Variants in NFKB1 observed in about 807,000 individuals in gnomAD.
NFKB1 encodes nuclear factor NF-kappa-B p105 subunit.
Under a neutral mutation model 105.1 loss-of-function variants are expected in NFKB1, and 9 were observed. That is an observed-to-expected ratio of 0.09 (90% CI 0.05 to 0.15). The LOEUF is 0.15. NFKB1 is among the 10% of genes least tolerant of loss of function. NFKB1 has a pLI of 1.00. For missense variants in NFKB1, 830 were observed against 1,203.7 expected, an observed-to-expected ratio of 0.69 and a Z score of 4.59; for synonymous variants, 440 against 442.2, an observed-to-expected ratio of 1.00 and a Z score of 0.06.
At chr4:102,518,445 A>G (rs1257873951) in intron 1 of NFKB1, among the ~76,000 whole-genome samples, 1 of 152,204 alleles carries the variant, frequency 6.6e-6, no homozygotes. Context: ...GAACTCTAAC[A>G]AAGTGTGATC....
chr4:102,608,405 A>G (rs549623579), intron 19 of NFKB1, among the ~76,000 whole-genome samples: 21 of 152,346 alleles, frequency 1.4e-4, no homozygotes, highest in East Asian at 5.8e-4. Flanking sequence ...GGTTCCAGTA[A>G]GTGACAGAGC....
At chr4:102,604,466 A>T (rs959936741) in intron 16 of NFKB1, among the ~76,000 whole-genome samples, 1 of 152,048 alleles carries the variant, frequency 6.6e-6, no homozygotes, top group Non-Finnish European at 1.5e-5. Flanking sequence ...CAATCCACAG[A>T]TCTTAATCAG....
chr4:102,557,245 G>C (rs1723054201), intron 5 of NFKB1: 1 of 152,174 alleles, frequency 6.6e-6, no homozygotes, highest in South Asian at 2.1e-4. Context: ...CATTTATTTT[G>C]TGGTTTTGAT....
intron 19 of NFKB1, among the ~76,000 whole-genome samples, chr4:102,609,388 G>T (rs558353362): frequency 5.0e-4 from 76 of 152,028 alleles, no homozygotes; most frequent in African/African-American, 1.4e-3. Context: ...AGGGTGGGTG[G>T]ATCACCTGAG....
At chr4:102,506,827 A>G (rs1328536604) in intron 1 of NFKB1, among the ~76,000 whole-genome samples, 1 of 151,718 alleles carries the variant, frequency 6.6e-6, no homozygotes, top group Non-Finnish European at 1.5e-5. Context: ...CCCTCACATC[A>G]CTCACAACAA....
intron 20 of NFKB1, 119 bp from the exon 21 acceptor site, chr4:102,611,925 A>G (rs1479679203): frequency 4.1e-6 from 3 of 725,514 alleles, no homozygotes; most frequent in East Asian, 5.4e-5. Context: ...CCATTCCTCC[A>G]TCATTAGGGT....
intron 5 of NFKB1, among the ~76,000 whole-genome samples, chr4:102,555,772 A>G (rs1279291480): frequency 2.0e-5 from 3 of 152,336 alleles, no homozygotes; most frequent in East Asian, 3.9e-4. Flanking sequence ...AAGGCTGGAG[A>G]TAGTAGATAA....
chr4:102,572,916 C>A (rs1320559235), intron 6 of NFKB1, among the ~76,000 whole-genome samples: 1 of 152,178 alleles, frequency 6.6e-6, no homozygotes, highest in East Asian at 1.9e-4. Flanking sequence ...TTTTATTATA[C>A]TGCTGATCTG....
chr4:102,503,903 A>C (rs1739252308), intron 1 of NFKB1, among the ~76,000 whole-genome samples: 1 of 152,208 alleles, frequency 6.6e-6, no homozygotes, highest in Non-Finnish European at 1.5e-5. Flanking sequence ...TTGATTAAGT[A>C]AGTTACTACC....
At chr4:102,509,452 G>A (rs1179496073) in intron 1 of NFKB1, among the ~76,000 whole-genome samples, 1 of 152,200 alleles carries the variant, frequency 6.6e-6, no homozygotes, top group Non-Finnish European at 1.5e-5. Context: ...GTTCAATCCT[G>A]TGTTGAAATA....
rs768185719 is a variant in NFKB1, at chr4:102,537,843, C to T, written c.160-15C>T. 7.6e-5 allele frequency: 116 copies of T among 1,529,656 alleles called. No individual in the cohort carries two copies. In the East Asian group the frequency reaches 7.9e-4, roughly 10 times the overall value. The allele number at this position is 1,529,656 out of a possible 1,614,324, so 94.8% of individuals were successfully genotyped here. A position where few individuals can be genotyped will look rare whatever the true frequency, so the allele number is the denominator to read the frequency against. ...TATTTCTCAAACTTAATTGGCTTAACGTTCACCTTTGCAGAGAGGATTTCG... is the reference window on the plus strand; with the variant it reads ...TATTTCTCAAACTTAATTGGCTTAATGTTCACCTTTGCAGAGAGGATTTCG... On this transcript the variant is annotated splice_polypyrimidine_tract_variant and intron_variant, in intron 4 of 23. Transcript: ENST00000226574.
chr4:102,527,821 C>T (rs79315606), intron 2 of NFKB1, among the ~76,000 whole-genome samples: 2 of 152,142 alleles, frequency 1.3e-5, no homozygotes. Context: ...ACCATCCTTT[C>T]CTGTCTGTAC....
intron 16 of NFKB1, among the ~76,000 whole-genome samples, chr4:102,601,633 T>C (rs1312001460): frequency 6.6e-6 from 1 of 152,202 alleles, no homozygotes; most frequent in Non-Finnish European, 1.5e-5. Flanking sequence ...CTTCCAACAC[T>C]GCAAAGGGAG....
In NFKB1 at chr4:102,587,603, C is replaced by T. The variant is rs147992985; in HGVS notation, c.1066+2783C>T. On this transcript the variant is annotated intron_variant, in intron 11 of 23. Coordinates refer to ENST00000226574, the MANE Select transcript of NFKB1 (RefSeq NM_003998.4). ...ATGCAGGGATTAGAGAATGGGGTCA[C>T]CTGAAAGTTCAAAATTGCACCTGTA... 4.4e-3 allele frequency among the ~76,000 whole-genome samples: 674 copies of T among 152,114 alleles called. 5 individuals are homozygous for T. The highest frequency in any genetic ancestry group is 7.6e-3 in the Non-Finnish European group (516 of 68,004).
intron 5 of NFKB1, among the ~76,000 whole-genome samples, chr4:102,549,707 T>G (rs751520101): frequency 6.6e-6 from 1 of 152,114 alleles, no homozygotes; most frequent in Non-Finnish European, 1.5e-5. Flanking sequence ...CCCACCAATC[T>G]GCTCTGCCTC....
chr4:102,607,792 C>T, intron 19 of NFKB1, 41 bp downstream of exon 19: 1 of 1,582,250 alleles, frequency 6.3e-7, no homozygotes, highest in Non-Finnish European at 8.7e-7. Flanking sequence ...AAAATGTTAC[C>T]AGGAATGCAA....
At chr4:102,542,007 C>T (rs958196885) in intron 5 of NFKB1, among the ~76,000 whole-genome samples, 10 of 152,038 alleles carry the variant, frequency 6.6e-5, no homozygotes, top group African/African-American at 2.4e-4. Context: ...AGATTTGGGG[C>T]CTGGCTGTGG....
chr4:102,592,179 A>G (rs1726231616), intron 11 of NFKB1, among the ~76,000 whole-genome samples: 1 of 152,232 alleles, frequency 6.6e-6, no homozygotes, highest in Admixed American at 6.5e-5. Context: ...TTGAGATAGA[A>G]TCTACTCCTG....
intron 8 of NFKB1, among the ~76,000 whole-genome samples, chr4:102,580,177 G>T (rs1254166272): frequency 6.6e-6 from 1 of 152,264 alleles, no homozygotes; most frequent in East Asian, 1.9e-4. Flanking sequence ...CAGAATCATG[G>T]AAACAAATTT....
Sources: gnomAD v4.1 joint callset for allele counts (sites outside exome capture counted in the v4.1 genomes callset) on GRCh38, gnomAD v4.1.1 for gene constraint, MANE v1.5 for transcripts, NCBI Gene and HGNC (gene_info 2026-07-23, HGNC 2026-07-21) for gene names.